The following STARD13 variants were observed in gnomAD, a reference collection of about 807,000 sequenced individuals.
STARD13 encodes the protein StAR related lipid transfer domain containing 13.
In STARD13, 62 loss-of-function variants were observed where a neutral mutation model predicts 106.4. The observed-to-expected ratio is 0.58, with a 90% confidence interval of 0.48 to 0.72. The LOEUF (loss-of-function observed/expected upper bound fraction) is 0.72, where lower values mean the gene tolerates loss of function less well. Among genes scored for constraint, STARD13 ranks in the 30% least tolerant of loss-of-function variants. The probability of loss-of-function intolerance (pLI) is 0.00; values close to 1 mark genes in which losing one functional copy is unlikely to be tolerated. For missense variants in STARD13, 1,387 were observed against 1,424.0 expected (o/e 0.97, Z 0.42); for synonymous variants, 565 against 553.0 (o/e 1.02, Z -0.31).
chr13:33,273,526 T>G (rs997916459), intron 1 of STARD13, among the ~76,000 whole-genome samples: 2 of 152,224 alleles, frequency 1.3e-5, no homozygotes, highest in African/African-American at 4.8e-5. Context: ...AATGTTTAAT[T>G]GTTAAGATTT....
chr13:33,114,283 C>T (rs1875046315), intron 8 of STARD13, among the ~76,000 whole-genome samples: 4 of 152,264 alleles, frequency 2.6e-5, no homozygotes, highest in Middle Eastern at 6.8e-3. Context: ...CCTGGCTGGC[C>T]CCAGGCTTTG....
At chr13:33,387,604 T>C in the STARD13 span, among the ~76,000 whole-genome samples, 1 of 152,144 alleles carries the variant, frequency 6.6e-6, no homozygotes, top group Non-Finnish European at 1.5e-5. Context: ...AGAAGAGATC[T>C]GGAGAGAGTG....
At chr13:33,590,462 A>G in the STARD13 span, among the ~76,000 whole-genome samples, 5 of 152,064 alleles carry the variant, frequency 3.3e-5, no homozygotes, top group East Asian at 3.9e-4. Flanking sequence ...ATGTCCATCA[A>G]TGATAGACTG....
chr13:33,139,315 G>T (rs1879499779), intron 4 of STARD13, among the ~76,000 whole-genome samples: 1 of 152,212 alleles, frequency 6.6e-6, no homozygotes, highest in Non-Finnish European at 1.5e-5. Context: ...TTTCTGTGTG[G>T]CTTTGGGCAA....
At chr13:33,504,828 C>A in the STARD13 span, among the ~76,000 whole-genome samples, 5,530 of 152,240 alleles carry the variant, frequency 0.036, 327 homozygotes, top group African/African-American at 0.12. Flanking sequence ...TACGCCTGAG[C>A]CACTGTGCAC....
rs781509680 is a variant in STARD13 at position 33,105,489 on chromosome 13, G to A, written c.*104C>T. ...GTTTCCATTTTTAGGCATTAACCGCGTCCTTCAGTTCCTCTTTCTCTCGCT... is the reference window on the plus strand; with the variant it reads ...GTTTCCATTTTTAGGCATTAACCGCATCCTTCAGTTCCTCTTTCTCTCGCT... On this transcript the variant is annotated 3_prime_UTR_variant, in exon 14 of 14. Coordinates refer to ENST00000336934, the MANE Select transcript of STARD13 (RefSeq NM_178006.4). The A allele has an allele frequency of 1.7e-5, 13 of 786,390 alleles. No homozygotes were observed. Among genetic ancestry groups the A allele is most frequent in the African/African-American group, 5.2e-5 (3 of 58,190 alleles). The allele number at this position is 786,390 out of a possible 1,614,324, so 48.7% of individuals were successfully genotyped here. A position where few individuals can be genotyped will look rare whatever the true frequency, so the allele number is the denominator to read the frequency against.
At chr13:33,303,096 C>G (rs1328905616) in intron 1 of STARD13, among the ~76,000 whole-genome samples, 1 of 152,124 alleles carries the variant, frequency 6.6e-6, no homozygotes, top group Non-Finnish European at 1.5e-5. Flanking sequence ...TTTTCAAGAC[C>G]TGACTCAGAG....
chr13:33,529,909 C>T, the STARD13 span, among the ~76,000 whole-genome samples: 2 of 151,988 alleles, frequency 1.3e-5, no homozygotes, highest in Non-Finnish European at 2.9e-5. Flanking sequence ...ATGGGGAACC[C>T]CGGATAAGAA....
chr13:33,193,664 C>G (rs1207517650), intron 1 of STARD13, among the ~76,000 whole-genome samples: 1 of 152,192 alleles, frequency 6.6e-6, no homozygotes, highest in African/African-American at 2.4e-5. Flanking sequence ...TCCCACCTTT[C>G]CTCAAAGCCA....
chr13:33,297,796 T>C (rs909015081), intron 1 of STARD13, among the ~76,000 whole-genome samples: 3 of 152,122 alleles, frequency 2.0e-5, no homozygotes, highest in African/African-American at 2.4e-5. Flanking sequence ...GGAACCTCAG[T>C]CTTAGTTTAT....
At chr13:33,109,626 T>A (rs1392363829) in intron 12 of STARD13, among the ~76,000 whole-genome samples, 1 of 152,172 alleles carries the variant, frequency 6.6e-6, no homozygotes, top group African/African-American at 2.4e-5. Flanking sequence ...TATGGCCTAA[T>A]AAACTGTGTG....
At chr13:33,622,793 G>GAA in the STARD13 span, among the ~76,000 whole-genome samples, 33 of 151,902 alleles carry the variant, frequency 2.2e-4, no homozygotes, top group South Asian at 6.4e-3. Flanking sequence ...GGTGGCGCAT[G>GAA]CCTGTAGTCC....
At chr13:33,380,362 C>G in the STARD13 span, among the ~76,000 whole-genome samples, 55 of 149,576 alleles carry the variant, frequency 3.7e-4, no homozygotes, top group East Asian at 0.011. Context: ...TTACAGTGAG[C>G]TGAGACTGCA....
At chr13:33,110,589 C>G in intron 11 of STARD13, 97 bp downstream of exon 11, 1 of 1,016,114 alleles carries the variant, frequency 9.8e-7, no homozygotes, top group Non-Finnish European at 1.5e-6. Context: ...GTGTGCCAAG[C>G]CCTGTGGACA....
At chr13:33,443,244 G>A in the STARD13 span, among the ~76,000 whole-genome samples, 132 of 152,152 alleles carry the variant, frequency 8.7e-4, no homozygotes, top group African/African-American at 2.8e-3. Flanking sequence ...AGGCGTGGTG[G>A]CAGGTGCCTG....
At chr13:33,124,785 A>T (rs1461910699) in intron 7 of STARD13, among the ~76,000 whole-genome samples, 6 of 152,236 alleles carry the variant, frequency 3.9e-5, no homozygotes, top group African/African-American at 1.2e-4. Context: ...GTGATTCACA[A>T]GTCAATTCAT....
intron 1 of STARD13, among the ~76,000 whole-genome samples, chr13:33,267,606 TGTGAGTGA>T (rs551456735): frequency 6.6e-6 from 1 of 152,106 alleles, no homozygotes; most frequent in African/African-American, 2.4e-5. Flanking sequence ...CAAACAATCT[TGTGAGTGA>T]GTGAGTGAGT....
Position 33,126,037 on chromosome 13 carries a change from T to C in STARD13, c.2082+44A>G, listed in dbSNP as rs753381006. 1.6e-5 allele frequency: 26 copies of C among 1,583,560 alleles called. 1 individual carries two copies. In the South Asian group the frequency reaches 2.5e-4, roughly 16 times the overall value. ...CTGACATCCCCTCAATCCAATCCCA[T>C]GGTTGGGGGTGGTGGGGCAGCAGCG... On this transcript the variant is annotated intron_variant, in intron 7 of 13. Transcript: ENST00000336934.
At chr13:33,218,748 A>G (rs1262542616) in intron 1 of STARD13, among the ~76,000 whole-genome samples, 4 of 152,214 alleles carry the variant, frequency 2.6e-5, no homozygotes, top group South Asian at 2.1e-4. Flanking sequence ...TTATTGTAAC[A>G]TATCTTTCAT....
Sources: gnomAD v4.1 joint callset for allele counts (sites outside exome capture counted in the v4.1 genomes callset) on GRCh38, gnomAD v4.1.1 for gene constraint, MANE v1.5 for transcripts, NCBI Gene and HGNC (gene_info 2026-07-23, HGNC 2026-07-21) for gene names.